MIA2: variants seen among roughly 807,000 people sequenced by gnomAD.
MIA2 encodes melanoma inhibitory activity protein 2.
MIA2 carries 127 observed loss-of-function variants against 167.8 expected under a neutral mutation model. The observed-to-expected ratio is 0.76, with a 90% CI of 0.66 to 0.88. The LOEUF is 0.88. MIA2 is among the 40% of genes least tolerant of loss of function. The probability of loss-of-function intolerance (pLI) is 0.00; values close to 1 mark genes in which losing one functional copy is unlikely to be tolerated. For synonymous variants in MIA2, 552 were observed against 541.9 expected, an observed-to-expected ratio of 1.02 and a Z score of -0.26; for missense variants, 1,690 against 1,624.7, an observed-to-expected ratio of 1.04 and a Z score of -0.69.
chr14:39,319,807 A>G lies in MIA2; in HGVS notation c.3367+516A>G, dbSNP rs2066096479. ...AGGGAGGACCAATTTTTTTTGTAAGATATATTTAATATTTCTGTCCATTGT... is the reference window on the plus strand; with the variant it reads ...AGGGAGGACCAATTTTTTTTGTAAGGTATATTTAATATTTCTGTCCATTGT... On this transcript the variant is annotated intron_variant, in intron 23 of 28. Coordinates refer to ENST00000640607, the MANE Select transcript of MIA2 (RefSeq NM_001329214.4). Among the ~76,000 whole-genome samples, 4 of 152,000 alleles carry G rather than the reference A, an allele frequency of 2.6e-5. No homozygotes were observed. In the South Asian group the frequency reaches 8.3e-4, roughly 31 times the overall value.
At chr14:39,297,505 A>C (rs1323599164) in intron 13 of MIA2, among the ~76,000 whole-genome samples, 1 of 152,182 alleles carries the variant, frequency 6.6e-6, no homozygotes, top group East Asian at 1.9e-4. Flanking sequence ...GTTTGCCAAC[A>C]GTCTTGCAAC....
chr14:39,295,087 C>G (rs901644752), intron 13 of MIA2, 58 bp downstream of exon 13: 4 of 1,203,540 alleles, frequency 3.3e-6, no homozygotes, highest in African/African-American at 1.5e-5. Context: ...ATGTTCTTGT[C>G]ATCCTCATGA....
intron 23 of MIA2, chr14:39,386,599 T>G: frequency 1.9e-6 from 2 of 1,065,376 alleles, no homozygotes; most frequent in Non-Finnish European, 2.8e-6. Context: ...CAGTGGGCTT[T>G]CTTTTTTCTT....
In MIA2 at chr14:39,314,808, A is replaced by ATGTGTGTGTGTGTGTGTG. The variant is rs554677567; in HGVS notation, c.3180+10_3180+11insGTGTGTGTGTGTGTGTGT. 7.7e-4 allele frequency: 848 copies of ATGTGTGTGTGTGTGTGTG among 1,098,060 alleles called. 6 individuals are homozygous for ATGTGTGTGTGTGTGTGTG. Among genetic ancestry groups the ATGTGTGTGTGTGTGTGTG allele is most frequent in the Admixed American group, 8.6e-4 (39 of 45,528 alleles). 68.0% of individuals were successfully genotyped at this position (1,098,060 alleles called of 1,614,324 possible). ...ATTCTTATCAAGGGCAGGTATATAT[A>ATGTGTGTGTGTGTGTGTG]TATGTGTGTGTGTGTGTGTGTGTGT... On this transcript the variant is annotated intron_variant, in intron 20 of 28. Transcript: ENST00000640607.
At chr14:39,329,554 C>T (rs968321922) in intron 25 of MIA2, among the ~76,000 whole-genome samples, 7 of 152,030 alleles carry the variant, frequency 4.6e-5, no homozygotes, top group Admixed American at 3.9e-4. Flanking sequence ...AAAGGGAATT[C>T]TTCCAGCTTT....
chr14:39,268,566 GTGA>G (rs1354950422), intron 6 of MIA2, among the ~76,000 whole-genome samples: 1 of 152,208 alleles, frequency 6.6e-6, no homozygotes, highest in African/African-American at 2.4e-5. Context: ...GGCTTAGGGA[GTGA>G]TGGGCAATGA....
intron 25 of MIA2, among the ~76,000 whole-genome samples, chr14:39,341,894 A>G (rs1223657930): frequency 6.6e-6 from 1 of 152,164 alleles, no homozygotes; most frequent in Admixed American, 6.5e-5. Flanking sequence ...TGTCAGACTA[A>G]ATGCCTTTTA....
Position 39,279,325 on chromosome 14 carries a change from A to C in MIA2, c.2020-12A>C, listed in dbSNP as rs1440670095. The C allele has an allele frequency of 6.3e-7, 1 of 1,598,866 alleles. No individual in the cohort carries two copies. The highest frequency in any genetic ancestry group is 1.8e-5 in the Admixed American group (1 of 56,288). The stretch of plus-strand genomic sequence containing the variant: ...TTGTTTTAATGTAATTTTTGTTAAA[A>C]ATTTGTTTCAGGTTAGGAGTCGGCT... On this transcript the variant is annotated splice_polypyrimidine_tract_variant and intron_variant, in intron 7 of 28. Coordinates refer to ENST00000640607, the MANE Select transcript of MIA2 (RefSeq NM_001329214.4).
chr14:39,252,788 A>G lies in MIA2; in HGVS notation c.1608A>G (p.Glu536=), dbSNP rs367794015. The G allele has an allele frequency of 1.0e-4, 166 of 1,613,568 alleles. 1 individual carries two copies. Among genetic ancestry groups the G allele is most frequent in the Admixed American group, 1.0e-4 (6 of 59,986 alleles). ...SNIELPTRIH[E]EVYFEPSSSK... ...TAGAGTTACCTACGAGAATTCACGA[A>G]GAAGTATATTTTGAACCCTCATCTT... The change falls in exon 5 of 29, where the codon GAA becomes GAG. Residue 536 remains glutamate, a synonymous_variant. Coordinates refer to ENST00000640607, the MANE Select transcript of MIA2 (RefSeq NM_001329214.4).
intron 23 of MIA2, among the ~76,000 whole-genome samples, chr14:39,371,731 T>C (rs922508510): frequency 2.0e-4 from 31 of 152,202 alleles, no homozygotes; most frequent in Non-Finnish European, 4.6e-4. Flanking sequence ...TTGAGAAAAA[T>C]AACTGAATAT....
intron 25 of MIA2, among the ~76,000 whole-genome samples, chr14:39,341,713 A>G (rs1401783221): frequency 2.0e-5 from 3 of 152,222 alleles, no homozygotes; most frequent in African/African-American, 4.8e-5. Flanking sequence ...AAGAACTCAA[A>G]CATTAGTAAA....
At chr14:39,267,117 C>G in intron 6 of MIA2, 1 of 1,134,350 alleles carries the variant, frequency 8.8e-7, no homozygotes. Flanking sequence ...AAGTTTGCGG[C>G]TGTCCGCGCC....
In MIA2 at chr14:39,252,806, C is replaced by T. The variant is rs773135816; in HGVS notation, c.1626C>T (p.Pro542=). The change falls in exon 5 of 29, where the codon CCC becomes CCT. Residue 542 remains proline (P), a synonymous_variant. Transcript: ENST00000640607. ...TRIHEEVYFE[P]SSSKDSDENS... ...TTCACGAAGAAGTATATTTTGAACC[C>T]TCATCTTCTAAAGATAGTGATGAAA... The T allele has an allele frequency of 3.7e-6, 6 of 1,613,864 alleles. No individual in the cohort carries two copies. Among genetic ancestry groups the T allele is most frequent in the Admixed American group, 1.7e-5 (1 of 60,000 alleles).
rs905095441 is a variant in MIA2 at position 39,296,474 on chromosome 14, C to G, written c.2496+1445C>G. On this transcript the variant is annotated intron_variant, in intron 13 of 28. Transcript: ENST00000640607. ...AGCTTTTAATATCTTTTTATTGTTT[C>G]CCCTTCTCTGAAATTACAGATCATT... is the stretch of plus-strand genomic sequence containing the variant. Among the ~76,000 whole-genome samples, 9 of 151,834 alleles carry G rather than the reference C, an allele frequency of 5.9e-5. No individual in the cohort carries two copies. In the South Asian group the frequency reaches 1.9e-3, roughly 32 times the overall value.
intron 14 of MIA2, among the ~76,000 whole-genome samples, chr14:39,300,857 T>C (rs990097227): frequency 2.0e-5 from 3 of 152,042 alleles, no homozygotes; most frequent in Admixed American, 1.3e-4. Context: ...ATGCCAGTTA[T>C]GTTGCTACTA....
intron 13 of MIA2, among the ~76,000 whole-genome samples, chr14:39,299,099 AAAT>A (rs1284270862): frequency 1.4e-4 from 16 of 115,258 alleles, no homozygotes; most frequent in African/African-American, 4.7e-4. Context: ...AAAAAAAAAG[AAAT>A]AATTCCTTTC....
intron 21 of MIA2, 102 bp from the exon 22 acceptor site, chr14:39,317,836 GATATAT>G (rs897025722): frequency 2.8e-5 from 18 of 649,524 alleles, no homozygotes; most frequent in Non-Finnish European, 4.1e-5. Flanking sequence ...CCATTGTTGT[GATATAT>G]ATATATTTTT....
intron 9 of MIA2, among the ~76,000 whole-genome samples, chr14:39,282,992 A>C (rs2059160902): frequency 6.6e-6 from 1 of 152,032 alleles, no homozygotes; most frequent in Non-Finnish European, 1.5e-5. Context: ...ATCATGCAAT[A>C]TTTTTCTTTC....
chr14:39,283,730 T>C (rs1293773132), intron 9 of MIA2, among the ~76,000 whole-genome samples: 1 of 152,250 alleles, frequency 6.6e-6, no homozygotes, highest in Non-Finnish European at 1.5e-5. Context: ...CATTGTGTTT[T>C]TGATTTGCAT....
Sources: allele counts gnomAD v4.1 joint callset (sites outside exome capture counted in the v4.1 genomes callset), GRCh38; gene constraint gnomAD v4.1.1; transcripts MANE v1.5; gene names NCBI Gene and HGNC (gene_info 2026-07-23, HGNC 2026-07-21).